Variants in RASSF3 observed in about 807,000 individuals in gnomAD.
RASSF3 encodes Ras association domain family member 3, also known as ras association domain-containing protein 3.
Under a neutral mutation model 19.9 loss-of-function variants are expected in RASSF3, and 19 were observed. The ratio of observed to expected loss-of-function variants is 0.96; its 90% CI spans 0.67 to 1.40. The LOEUF is 1.40. Among genes scored for constraint, RASSF3 ranks in the 40% most tolerant of loss-of-function variants. The probability of loss-of-function intolerance (pLI) is 0.00; values close to 1 mark genes in which losing one functional copy is unlikely to be tolerated. For missense variants in RASSF3, 306 were observed against 289.8 expected (o/e 1.06, Z -0.41); for synonymous variants, 110 against 104.2 (o/e 1.06, Z -0.34).
intron 1 of RASSF3, among the ~76,000 whole-genome samples, chr12:64,540,306 T>C (rs1387102582): frequency 6.6e-6 from 1 of 152,192 alleles, no homozygotes; most frequent in East Asian, 1.9e-4. Flanking sequence ...GTGAATAAAA[T>C]TGTGGCAGCT....
intron 1 of RASSF3, among the ~76,000 whole-genome samples, chr12:64,646,321 C>T (rs1871733138): frequency 6.6e-6 from 1 of 152,134 alleles, no homozygotes; most frequent in South Asian, 2.1e-4. Flanking sequence ...GACGTACATG[C>T]CCACTAGCAA....
At chr12:64,509,157 A>T (rs1343184633) in intron 1 of RASSF3, among the ~76,000 whole-genome samples, 2 of 152,118 alleles carry the variant, frequency 1.3e-5, no homozygotes, top group Non-Finnish European at 1.5e-5. Flanking sequence ...CATTTTAAAG[A>T]TAAGCAAAAA....
chr12:64,660,040 A>ATGTGTGTGTATGTATATATATATG (rs1221261677), intron 1 of RASSF3, among the ~76,000 whole-genome samples: 1 of 121,484 alleles, frequency 8.2e-6, no homozygotes, highest in African/African-American at 3.4e-5. Flanking sequence ...GTGTATATAT[A>ATGTGTGTGTATGTATATATATATG]TGTGTGTGTA....
intron 1 of RASSF3, among the ~76,000 whole-genome samples, chr12:64,651,412 G>A (rs911935129): frequency 6.6e-6 from 1 of 152,188 alleles, no homozygotes; most frequent in African/African-American, 2.4e-5. Flanking sequence ...AGACTGGAGT[G>A]CAGTGGCTTG....
At chr12:64,559,348 A>G (rs1869309175) in intron 2 of RASSF3, among the ~76,000 whole-genome samples, 1 of 147,140 alleles carries the variant, frequency 6.8e-6, no homozygotes, top group Non-Finnish European at 1.5e-5. Flanking sequence ...GGTTCATGCC[A>G]TTCTCCTGCC....
At chr12:64,552,583 G>A (rs909765673) in intron 2 of RASSF3, among the ~76,000 whole-genome samples, 2 of 152,096 alleles carry the variant, frequency 1.3e-5, no homozygotes, top group African/African-American at 2.4e-5. Flanking sequence ...GTGTCCATGT[G>A]TTCTCATTGT....
intron 2 of RASSF3, among the ~76,000 whole-genome samples, chr12:64,551,938 A>T (rs1869171152): frequency 6.6e-6 from 1 of 152,156 alleles, no homozygotes; most frequent in Admixed American, 6.5e-5. Context: ...AGATTACGAG[A>T]TGTGCACAGC....
chr12:64,614,827 A>C (rs1226650016), intron 1 of RASSF3, among the ~76,000 whole-genome samples: 4 of 151,040 alleles, frequency 2.6e-5, no homozygotes, highest in Non-Finnish European at 5.9e-5. Context: ...CCTCCTGAGT[A>C]GTTGGGATTA....
intron 2 of RASSF3, among the ~76,000 whole-genome samples, chr12:64,602,050 G>C (rs1363748645): frequency 1.3e-5 from 2 of 151,252 alleles, no homozygotes; most frequent in African/African-American, 2.4e-5. Context: ...CTGGGAGTCA[G>C]AGCTTGCAGT....
chr12:64,603,772 T>C (rs1213086897), intron 2 of RASSF3, among the ~76,000 whole-genome samples: 2 of 152,238 alleles, frequency 1.3e-5, no homozygotes, highest in African/African-American at 4.8e-5. Context: ...AACTGAGGTT[T>C]AACCAGTTTA....
intron 1 of RASSF3, among the ~76,000 whole-genome samples, chr12:64,642,869 T>C (rs117494253): frequency 0.011 from 1,675 of 151,238 alleles, 26 homozygotes; most frequent in East Asian, 0.042. Flanking sequence ...TTCTTTCTTT[T>C]TTTTTTTTTT....
At chr12:64,648,961 A>G (rs1408116538) in intron 1 of RASSF3, among the ~76,000 whole-genome samples, 1 of 151,772 alleles carries the variant, frequency 6.6e-6, no homozygotes, top group Non-Finnish European at 1.5e-5. Flanking sequence ...GTGTGCCACC[A>G]TGCCCGGCTA....
At chr12:64,618,181 A>G (rs559413714) in intron 1 of RASSF3, among the ~76,000 whole-genome samples, 4 of 152,238 alleles carry the variant, frequency 2.6e-5, no homozygotes, top group African/African-American at 9.6e-5. Flanking sequence ...CAGGCATGAT[A>G]ATAGTGCCCT....
At chr12:64,581,966 C>G (rs1869709644) in intron 2 of RASSF3, among the ~76,000 whole-genome samples, 2 of 151,970 alleles carry the variant, frequency 1.3e-5, no homozygotes, top group Admixed American at 1.3e-4. Context: ...CTTCCAGGCT[C>G]AAACAGATCC....
chr12:64,670,576 T>A (rs1872671480), intron 1 of RASSF3, among the ~76,000 whole-genome samples: 1 of 151,732 alleles, frequency 6.6e-6, no homozygotes, highest in African/African-American at 2.4e-5. Flanking sequence ...GGGGGATCTT[T>A]TCATTAAAAA....
chr12:64,551,345 C>T (rs138885540), intron 2 of RASSF3, among the ~76,000 whole-genome samples: 120 of 152,166 alleles, frequency 7.9e-4, no homozygotes, highest in African/African-American at 2.8e-3. Flanking sequence ...GAGGCTGAGG[C>T]GAGTGGATCA....
intron 1 of RASSF3, chr12:64,628,221 G>A (rs1871056602): frequency 6.6e-6 from 1 of 152,086 alleles, no homozygotes; most frequent in African/African-American, 2.4e-5. Context: ...TCTAAGAATG[G>A]ATTTCATGTA....
At chr12:64,564,085 G>T (rs1470100294) in intron 2 of RASSF3, among the ~76,000 whole-genome samples, 1 of 152,090 alleles carries the variant, frequency 6.6e-6, no homozygotes, top group African/African-American at 2.4e-5. Context: ...TAATGTCATT[G>T]CGGATTTTGA....
intron 1 of RASSF3, among the ~76,000 whole-genome samples, chr12:64,524,672 C>T (rs1467971956): frequency 6.6e-6 from 1 of 152,216 alleles, no homozygotes; most frequent in African/African-American, 2.4e-5. Context: ...AATGTGCAAA[C>T]TCCTTTGCAT....
Sources: gnomAD v4.1 joint callset for allele counts (sites outside exome capture counted in the v4.1 genomes callset) on GRCh38, gnomAD v4.1.1 for gene constraint, MANE v1.5 for transcripts, NCBI Gene and HGNC (gene_info 2026-07-23, HGNC 2026-07-21) for gene names.